Variants in SHROOM3 observed in about 807,000 individuals in gnomAD.
SHROOM3 encodes the protein shroom family member 3.
A neutral mutation model predicts 138.6 loss-of-function variants in SHROOM3; 47 were observed. The ratio of observed to expected loss-of-function variants is 0.34; its 90% CI spans 0.27 to 0.43. The LOEUF is 0.43. Ranked by LOEUF, SHROOM3 falls within the 20% of genes least tolerant of loss-of-function variation. SHROOM3 has a pLI of 1.00. For missense variants in SHROOM3, 2,491 were observed against 2,596.5 expected (o/e 0.96, Z 0.88); for synonymous variants, 1,062 against 1,063.3 (o/e 1.00, Z 0.02).
intron 2 of SHROOM3, among the ~76,000 whole-genome samples, chr4:76,679,829 A>G (rs758644755): frequency 6.6e-6 from 1 of 152,206 alleles, no homozygotes; most frequent in Non-Finnish European, 1.5e-5. Context: ...AATGCACTCC[A>G]GTTGAACCCA....
At chr4:76,524,646 G>A (rs996043835) in intron 1 of SHROOM3, among the ~76,000 whole-genome samples, 2 of 152,214 alleles carry the variant, frequency 1.3e-5, no homozygotes, top group Non-Finnish European at 2.9e-5. Flanking sequence ...TACAAGGGCT[G>A]CTTCAATAGA....
In SHROOM3 at chr4:76,741,031, C is replaced by T. The variant is rs1315971742; in HGVS notation, c.2858C>T (p.Ala953Val). 3 of 1,485,406 alleles carry T rather than the reference C, an allele frequency of 2.0e-6. No individual in the cohort carries two copies. Among genetic ancestry groups the T allele is most frequent in the Admixed American group, 2.6e-5 (1 of 38,000 alleles). 92.0% of individuals were successfully genotyped at this position (1,485,406 alleles called of 1,614,324 possible). A position where few individuals can be genotyped will look rare whatever the true frequency, so the allele number is the denominator to read the frequency against. ...GACCTGGAGCTGGGGGCGCCCGTGG[C>T]GTCGAGGTCCTGGCGGCCACGGCCT... ...RRDLELGAPV[A>V]SRSWRPRPSS... Residue 953 changes from alanine (A) to valine (V), a missense_variant, in exon 5 of 11, where the codon GCG becomes GTG. Ala to Val is a moderately conservative substitution (Grantham distance 64). Coordinates refer to ENST00000296043, the MANE Select transcript of SHROOM3 (RefSeq NM_020859.4). The surrounding 1 kb of genome is among the most constrained non-coding windows in gnomAD (Gnocchi z 6.2).
Position 76,754,531 on chromosome 4 carries a change from C to T in SHROOM3, c.4048C>T (p.Pro1350Ser). Residue 1350 changes from proline to serine, a missense_variant, in exon 7 of 11, where the codon CCC becomes TCC. By Grantham distance (74) the Pro-to-Ser change is moderately conservative. Around this residue, in one of 4 missense-constraint regions of SHROOM3, gnomAD observed 1,733 missense variants for 1,661.6 expected, o/e 1.04. Coordinates refer to ENST00000296043, the MANE Select transcript of SHROOM3 (RefSeq NM_020859.4). ...QGLVTDTRAA[P>S]LTPIGTPLPS... ...GCTGGTCACAGACACCAGGGCTGCA[C>T]CCCTGACCCCAATTGGCACCCCTCT... 1 of 1,613,576 alleles carries T rather than the reference C, an allele frequency of 6.2e-7. No individual in the cohort carries two copies. The highest frequency in any genetic ancestry group is 8.5e-7 in the Non-Finnish European group (1 of 1,179,616).
intron 1 of SHROOM3, among the ~76,000 whole-genome samples, chr4:76,542,695 G>A (rs527402597): frequency 2.0e-5 from 3 of 152,326 alleles, no homozygotes; most frequent in East Asian, 3.9e-4. Context: ...CTGACACCTT[G>A]GTTTTAGGCT....
At chr4:76,639,930 ATG>A (rs981082692) in intron 2 of SHROOM3, among the ~76,000 whole-genome samples, 3 of 152,078 alleles carry the variant, frequency 2.0e-5, no homozygotes, top group Non-Finnish European at 4.4e-5. Context: ...GTTCACTTTT[ATG>A]TTAGAAAGTT....
At chr4:76,603,175 T>C (rs1399946389) in intron 2 of SHROOM3, among the ~76,000 whole-genome samples, 1 of 152,132 alleles carries the variant, frequency 6.6e-6, no homozygotes, top group African/African-American at 2.4e-5. Flanking sequence ...TCCCAGCACT[T>C]TGGAAGGCCG....
At chr4:76,504,784 A>G (rs1014818161) in intron 1 of SHROOM3, among the ~76,000 whole-genome samples, 1 of 152,196 alleles carries the variant, frequency 6.6e-6, no homozygotes, top group African/African-American at 2.4e-5. Context: ...TGCATGGTGG[A>G]GCGGCAGATA....
chr4:76,478,921 A>G (rs1387099467), intron 1 of SHROOM3, among the ~76,000 whole-genome samples: 1 of 152,190 alleles, frequency 6.6e-6, no homozygotes, highest in African/African-American at 2.4e-5. Flanking sequence ...ATAAACAGAA[A>G]GGAGTAACAT....
chr4:76,780,413 G>A lies in SHROOM3; in HGVS notation c.*1236G>A, dbSNP rs1722703232. On this transcript the variant is annotated 3_prime_UTR_variant, in exon 11 of 11. Coordinates refer to ENST00000296043, the MANE Select transcript of SHROOM3 (RefSeq NM_020859.4). ...TTGAGCAGGTAGTACATCCCAGGCT[G>A]TGCTAGAGGTAGATTTGTTTTTTCA... 1 of 152,140 alleles carries A rather than the reference G, an allele frequency of 6.6e-6. No individual in the cohort carries two copies. Among genetic ancestry groups the A allele is most frequent in the South Asian group, 2.1e-4 (1 of 4,828 alleles). The allele number at this position is 152,140 out of a possible 1,614,324, so 9.4% of individuals were successfully genotyped here.
At chr4:76,682,876 A>G (rs1443906046) in intron 2 of SHROOM3, among the ~76,000 whole-genome samples, 2 of 152,210 alleles carry the variant, frequency 1.3e-5, no homozygotes, top group South Asian at 2.1e-4. Flanking sequence ...TAGCAATGAC[A>G]AGTGAGGAAA....
chr4:76,571,630 C>T (rs575211549), intron 2 of SHROOM3, among the ~76,000 whole-genome samples: 44 of 152,328 alleles, frequency 2.9e-4, no homozygotes, highest in African/African-American at 9.9e-4. Flanking sequence ...TCATTTTCTA[C>T]ACTCCTTTCA....
chr4:76,721,482 T>C (rs1348646018), intron 3 of SHROOM3, among the ~76,000 whole-genome samples: 1 of 152,216 alleles, frequency 6.6e-6, no homozygotes, highest in African/African-American at 2.4e-5. Context: ...ACTAGGTAGC[T>C]GAAAGGAAAT....
At chr4:76,609,593 G>A (rs2110060396) in intron 2 of SHROOM3, among the ~76,000 whole-genome samples, 1 of 152,252 alleles carries the variant, frequency 6.6e-6, no homozygotes, top group African/African-American at 2.4e-5. Flanking sequence ...ATCTGACCAT[G>A]TTTCTCTTCA....
intron 1 of SHROOM3, among the ~76,000 whole-genome samples, chr4:76,459,401 C>T (rs1037141563): frequency 2.6e-5 from 4 of 152,124 alleles, no homozygotes; most frequent in Middle Eastern, 3.2e-3. Context: ...GATTTTTTCC[C>T]CCTCTTGTCA....
At chr4:76,478,994 C>A (rs1292125941) in intron 1 of SHROOM3, among the ~76,000 whole-genome samples, 1 of 151,788 alleles carries the variant, frequency 6.6e-6, no homozygotes, top group African/African-American at 2.4e-5. Flanking sequence ...CATCAAAGAC[C>A]AAAGGTAGAT....
chr4:76,637,236 G>A (rs1267395669), intron 2 of SHROOM3, among the ~76,000 whole-genome samples: 1 of 152,132 alleles, frequency 6.6e-6, no homozygotes, highest in African/African-American at 2.4e-5. Flanking sequence ...AAATATCAGT[G>A]CTTCTCTGTA....
intron 9 of SHROOM3, among the ~76,000 whole-genome samples, chr4:76,769,928 G>T (rs1347619043): frequency 6.6e-6 from 1 of 152,028 alleles, no homozygotes; most frequent in Non-Finnish European, 1.5e-5. Context: ...TCTGACTCTT[G>T]GCCTATTTGT....
intron 1 of SHROOM3, among the ~76,000 whole-genome samples, chr4:76,495,135 G>A (rs1329927255): frequency 6.6e-6 from 1 of 152,184 alleles, no homozygotes; most frequent in Non-Finnish European, 1.5e-5. Flanking sequence ...CTGGAGGCAC[G>A]CAGTACACTG....
At chr4:76,656,243 T>C (rs1255147856) in intron 2 of SHROOM3, among the ~76,000 whole-genome samples, 1 of 152,188 alleles carries the variant, frequency 6.6e-6, no homozygotes, top group Non-Finnish European at 1.5e-5. Flanking sequence ...TGACTTTCCA[T>C]CCCATAGTAT....
Sources: gnomAD v4.1 joint callset for allele counts (sites outside exome capture counted in the v4.1 genomes callset) on GRCh38, gnomAD v4.1.1 for gene constraint, gnomAD v4.1.1 regional missense constraint, Gnocchi (gnomAD v3.1) non-coding constraint, MANE v1.5 for transcripts, NCBI Gene and HGNC (gene_info 2026-07-23, HGNC 2026-07-21) for gene names.